SLC22A3: variants seen among roughly 807,000 people sequenced by gnomAD.
The protein encoded by SLC22A3 is solute carrier family 22 member 3, also known as EMT organic cation transporter 3.
In SLC22A3, 51 loss-of-function variants were observed where a neutral mutation model predicts 59.1. The observed-to-expected ratio is 0.86, with a 90% CI of 0.69 to 1.09. The LOEUF is 1.09. Among genes scored for constraint, SLC22A3 ranks in the 50% least tolerant of loss-of-function variants. The probability of loss-of-function intolerance (pLI) is 0.00; values close to 1 mark genes in which losing one functional copy is unlikely to be tolerated. For missense variants in SLC22A3, 711 were observed against 726.3 expected (o/e 0.98, Z 0.24); for synonymous variants, 325 against 292.0 (o/e 1.11, Z -1.15).
chr6:160,381,954 T>C (rs1785814764), intron 1 of SLC22A3, among the ~76,000 whole-genome samples: 1 of 152,208 alleles, frequency 6.6e-6, no homozygotes, highest in African/African-American at 2.4e-5. Context: ...GTAGGAATTA[T>C]TTAGTCTTCT....
intron 1 of SLC22A3, among the ~76,000 whole-genome samples, chr6:160,392,713 A>G (rs113643925): frequency 0.02 from 2,991 of 152,226 alleles, 92 homozygotes; most frequent in Middle Eastern, 0.11. Flanking sequence ...CTTTTTCCTC[A>G]TGGAAACCCA....
At chr6:160,448,660 A>C in intron 10 of SLC22A3, among the ~76,000 whole-genome samples, 1 of 145,448 alleles carries the variant, frequency 6.9e-6, no homozygotes, top group East Asian at 2.1e-4. Flanking sequence ...TGTCAAGAAA[A>C]ATTCACATTA....
chr6:160,394,192 A>G (rs983341928), intron 1 of SLC22A3, among the ~76,000 whole-genome samples: 1 of 152,272 alleles, frequency 6.6e-6, no homozygotes, highest in African/African-American at 2.4e-5. Context: ...CCTTAGGAGA[A>G]GGACATAAAT....
At chr6:160,387,337 C>T (rs968555089) in intron 1 of SLC22A3, among the ~76,000 whole-genome samples, 6 of 152,142 alleles carry the variant, frequency 3.9e-5, no homozygotes, top group African/African-American at 1.4e-4. Context: ...TTCTCACTGC[C>T]TGTAAGTGAG....
Position 160,368,855 on chromosome 6 carries a change from G to A in SLC22A3, c.429+20007G>A, listed in dbSNP as rs398798. On this transcript the variant is annotated intron_variant, in intron 1 of 10. Coordinates refer to ENST00000275300, the MANE Select transcript of SLC22A3 (RefSeq NM_021977.4). ...CATATTTCACCGTTCTGCTCATTTC[G>A]TGCTCCCTGGTACATCTCTTATTTC... Among the ~76,000 whole-genome samples, 391 of 152,170 alleles carry A rather than the reference G, an allele frequency of 2.6e-3. 11 individuals carry two copies. In the East Asian group the frequency reaches 0.062, roughly 24 times the overall value.
chr6:160,414,602 C>T (rs1287515844), intron 5 of SLC22A3, among the ~76,000 whole-genome samples: 3 of 152,126 alleles, frequency 2.0e-5, no homozygotes, highest in Non-Finnish European at 4.4e-5. Context: ...GCTGGGGAGG[C>T]CTCAGGAAAC....
chr6:160,443,644 C>T lies in SLC22A3; in HGVS notation c.1412C>T (p.Ser471Leu), dbSNP rs757358060. The change falls in exon 9 of 11, where the codon TCG (serine) becomes TTG (leucine). Residue 471 changes from serine to leucine, a missense_variant. Physicochemically the swap from Ser to Leu is moderately radical, Grantham distance 145. Coordinates refer to ENST00000275300, the MANE Select transcript of SLC22A3 (RefSeq NM_021977.4). ...YPTTLRNFGV[S>L]LCSGLCDFGG... ...TCATTCAACAGAAATTTCGGAGTTT[C>T]GCTCTGTTCAGGTCTGTGTGATTTT... 4.3e-6 allele frequency: 7 copies of T among 1,613,272 alleles called. 1 individual carries two copies. The South Asian group carries it at 5.5e-5, about 13-fold the overall frequency.
chr6:160,382,199 G>A (rs192136579), intron 1 of SLC22A3, among the ~76,000 whole-genome samples: 32 of 152,234 alleles, frequency 2.1e-4, no homozygotes, highest in Admixed American at 6.5e-4. Flanking sequence ...CCATGTGCAC[G>A]TTGGGTGATA....
intron 1 of SLC22A3, among the ~76,000 whole-genome samples, chr6:160,366,027 C>T (rs759839018): frequency 2.6e-5 from 4 of 152,172 alleles, no homozygotes; most frequent in Non-Finnish European, 5.9e-5. Flanking sequence ...CCCCATGACA[C>T]ATGGGGATTA....
chr6:160,391,108 T>C (rs1786237673), intron 1 of SLC22A3, among the ~76,000 whole-genome samples: 1 of 152,220 alleles, frequency 6.6e-6, no homozygotes, highest in Non-Finnish European at 1.5e-5. Context: ...CATGATTTCA[T>C]CTTAACTCAT....
At chr6:160,450,897 A>C in intron 10 of SLC22A3, 99 bp from the exon 11 acceptor site, 3 of 1,125,802 alleles carry the variant, frequency 2.7e-6, no homozygotes, top group Non-Finnish European at 3.9e-6. Context: ...TCATGAATGT[A>C]TTTGATCAAA....
rs142363984 is a variant in SLC22A3 at position 160,431,925 on chromosome 6, G to C, written c.976-4855G>C. 5.5e-4 allele frequency among the ~76,000 whole-genome samples: 84 copies of C among 152,240 alleles called. No homozygotes were observed. In the East Asian group the frequency reaches 0.016, roughly 28 times the overall value. On this transcript the variant is annotated intron_variant, in intron 5 of 10. Transcript: ENST00000275300. The stretch of plus-strand genomic sequence containing the variant: ...GCAGCATTCAGGGTTGGCCAGACCA[G>C]GATCTCAACAATCTTATTAAACCAT...
chr6:160,406,664 A>G (rs1377610913), intron 2 of SLC22A3, among the ~76,000 whole-genome samples: 1 of 152,188 alleles, frequency 6.6e-6, no homozygotes, highest in East Asian at 1.9e-4. Flanking sequence ...GGTTGAGGTG[A>G]GATTCAAGGC....
intron 1 of SLC22A3, among the ~76,000 whole-genome samples, chr6:160,387,738 T>C (rs1786080347): frequency 6.6e-6 from 1 of 152,192 alleles, no homozygotes; most frequent in Non-Finnish European, 1.5e-5. Context: ...TGTCAGTATT[T>C]TCCAAGGTAA....
At chr6:160,377,046 A>G (rs1785621731) in intron 1 of SLC22A3, among the ~76,000 whole-genome samples, 1 of 152,216 alleles carries the variant, frequency 6.6e-6, no homozygotes, top group South Asian at 2.1e-4. Flanking sequence ...AGCTTTTGGT[A>G]TGCTAAAGAA....
chr6:160,433,663 C>T (rs1788235703), intron 5 of SLC22A3, among the ~76,000 whole-genome samples: 1 of 152,088 alleles, frequency 6.6e-6, no homozygotes, highest in South Asian at 2.1e-4. Context: ...GTCATGATTA[C>T]ACCACTACAC....
chr6:160,444,312 C>T (rs762176868), intron 9 of SLC22A3, among the ~76,000 whole-genome samples: 3 of 152,080 alleles, frequency 2.0e-5, no homozygotes, highest in Non-Finnish European at 4.4e-5. Flanking sequence ...ATGGTCACGC[C>T]ATTGCACTCC....
intron 5 of SLC22A3, chr6:160,425,813 G>A: frequency 1.0e-6 from 1 of 985,294 alleles, no homozygotes; most frequent in Non-Finnish European, 1.2e-6. Context: ...ACCGTTCAAA[G>A]TTGAATAAAT....
rs546429596 is a variant in SLC22A3 at position 160,433,873 on chromosome 6, T to C, written c.976-2907T>C. Among the ~76,000 whole-genome samples, 6 of 152,286 alleles carry C rather than the reference T, an allele frequency of 3.9e-5. No individual in the cohort carries two copies. The East Asian group carries it at 1.2e-3, about 29-fold the overall frequency. ...ACTCATAGCTAGTGGATAGAAGTCA[T>C]AGCTCTCAGCAGAAGTCTGAAGAGG... On this transcript the variant is annotated intron_variant, in intron 5 of 10. Transcript: ENST00000275300.
Sources: allele counts gnomAD v4.1 joint callset (sites outside exome capture counted in the v4.1 genomes callset), GRCh38; gene constraint gnomAD v4.1.1; transcripts MANE v1.5; gene names NCBI Gene and HGNC (gene_info 2026-07-23, HGNC 2026-07-21).